The following TMEM269 variants were observed in gnomAD, a reference collection of about 807,000 sequenced individuals.
TMEM269 encodes transmembrane protein 269.
Under a neutral mutation model 15.8 loss-of-function variants are expected in TMEM269, and 12 were observed. The observed-to-expected ratio is 0.76, with a 90% CI of 0.49 to 1.23. TMEM269 has a LOEUF of 1.23. TMEM269 is among the 50% of genes most tolerant of loss of function. The pLI is 0.00. For synonymous variants in TMEM269, 93 were observed against 99.3 expected (o/e 0.94, Z 0.38); for missense variants, 211 against 245.4 (o/e 0.86, Z 0.94).
At position 42,788,980 on chromosome 1, in the gene TMEM269, G is replaced by A. The variant is rs1016420816; in HGVS notation, c.-98-816G>A. Among the ~76,000 whole-genome samples the A allele has an allele frequency of 6.6e-6, 1 of 150,862 alleles. No homozygotes were observed. Among genetic ancestry groups the A allele is most frequent in the African/African-American group, 2.4e-5 (1 of 40,942 alleles). ...TCGGTCACCCAGGCTGGAGTGCAGT[G>A]GTGTGATCTCGGCTCACTGCAACCT... On this transcript the variant is annotated intron_variant, in intron 1 of 5. Transcript: ENST00000637012. The surrounding 1 kb of genome is among the most constrained non-coding windows in gnomAD (Gnocchi z 4.0).
chr1:42,790,053 A>G (rs1653655582), intron 2 of TMEM269, 119 bp downstream of exon 2: 1 of 742,138 alleles, frequency 1.3e-6, no homozygotes, highest in Non-Finnish European at 2.3e-6. Context: ...TACCCAGGGT[A>G]AGTGCAGTGG....
intron 2 of TMEM269, among the ~76,000 whole-genome samples, chr1:42,792,220 A>G (rs1653699013): frequency 6.6e-6 from 1 of 152,228 alleles, no homozygotes; most frequent in Non-Finnish European, 1.5e-5. Context: ...TATTAAAAGG[A>G]TAATAAAGGA....
chr1:42,793,712 C>A lies in TMEM269; in HGVS notation c.251C>A (p.Ala84Asp). 1.9e-6 allele frequency: 3 copies of A among 1,550,586 alleles called. No individual in the cohort carries two copies. The highest frequency in any genetic ancestry group is 2.6e-6 in the Non-Finnish European group (3 of 1,146,944). Reference sequence around the variant, plus strand: ...ATCCTGGCCATCATCTATGTGTCAGCTGCTTCTTTCCACTTGTGCTTTTAT... The same window carrying A: ...ATCCTGGCCATCATCTATGTGTCAGATGCTTCTTTCCACTTGTGCTTTTAT... Reference protein sequence around the residue: ...SGILAIIYVSAASFHLCFYSP... With the variant: ...SGILAIIYVSDASFHLCFYSP... Residue 84 changes from alanine (A) to aspartate (D), a missense_variant, in exon 4 of 6, where the codon GCT becomes GAT. Ala to Asp is a moderately radical substitution (Grantham distance 126, BLOSUM62 -2). Coordinates refer to ENST00000637012, the MANE Select transcript of TMEM269 (RefSeq NM_001354602.2).
Position 42,799,550 on chromosome 1 carries a change from G to C in TMEM269, c.*1325G>C, listed in dbSNP as rs900775464. 6.6e-6 allele frequency: 1 copy of C among 152,172 alleles called. No individual in the cohort carries two copies. Among genetic ancestry groups the C allele is most frequent in the African/African-American group, 2.4e-5 (1 of 41,410 alleles). The allele number at this position is 152,172 out of a possible 1,614,324, so 9.4% of individuals were successfully genotyped here. On this transcript the variant is annotated 3_prime_UTR_variant, in exon 6 of 6. Coordinates refer to ENST00000637012, the MANE Select transcript of TMEM269 (RefSeq NM_001354602.2). ...CATATGTTCCTAGTTAGATGGATTTGCCTGTGTCCCAGGACTTTATATCTC... is the reference window on the plus strand; with the variant it reads ...CATATGTTCCTAGTTAGATGGATTTCCCTGTGTCCCAGGACTTTATATCTC...
chr1:42,785,814 T>C (rs757670945), intron 1 of TMEM269, among the ~76,000 whole-genome samples: 17 of 152,192 alleles, frequency 1.1e-4, no homozygotes, highest in Non-Finnish European at 2.1e-4. Flanking sequence ...CCCTGATAAA[T>C]GTCACCACAG....
chr1:42,789,596 A>T, intron 1 of TMEM269, 200 bp from the exon 2 acceptor site: 1 of 1,190,152 alleles, frequency 8.4e-7, no homozygotes, highest in Non-Finnish European at 1.2e-6. Flanking sequence ...GAGCTTTCCC[A>T]AGACGCTGGA....
intron 5 of TMEM269, among the ~76,000 whole-genome samples, chr1:42,795,717 G>A (rs1557593434): frequency 1.3e-5 from 2 of 152,112 alleles, no homozygotes; most frequent in South Asian, 4.1e-4. Context: ...CCTGATTTAG[G>A]GCTTCCTTCA....
rs1653587841 is a variant in TMEM269, at chr1:42,788,554, G to A, written c.-98-1242G>A. On this transcript the variant is annotated intron_variant, in intron 1 of 5. Transcript: ENST00000637012. This position sits in a 1 kb window ranked among gnomAD's most constrained non-coding sequence, Gnocchi z 4.0. ...AGGGCCAGCCAATTCCCTGTTGTGGGAGAGACTGGGAGAGACTGGGAGCAC... is the reference window on the plus strand; with the variant it reads ...AGGGCCAGCCAATTCCCTGTTGTGGAAGAGACTGGGAGAGACTGGGAGCAC... Among the ~76,000 whole-genome samples, 1 of 152,146 alleles carries A rather than the reference G, an allele frequency of 6.6e-6. No homozygotes were observed. Among genetic ancestry groups the A allele is most frequent in the Non-Finnish European group, 1.5e-5 (1 of 68,034 alleles).
chr1:42,786,741 C>T (rs1653548508), intron 1 of TMEM269, among the ~76,000 whole-genome samples: 1 of 152,232 alleles, frequency 6.6e-6, no homozygotes, highest in Admixed American at 6.5e-5. Flanking sequence ...TAAACTGTGT[C>T]CTTTGGTCTT....
rs1170709451 is a variant in TMEM269 at position 42,788,157 on chromosome 1, G to A, written c.-98-1639G>A. On this transcript the variant is annotated intron_variant, in intron 1 of 5. Transcript: ENST00000637012. The surrounding 1 kb of genome is among the most constrained non-coding windows in gnomAD (Gnocchi z 4.0). ...CTCCAAGTCAGCCCTCCCAGCTGCT[G>A]GCATGTTGGTGGCAGGTTTATGAGA... The A allele has an allele frequency of 2.0e-5, 3 of 152,504 alleles. No homozygotes were observed. The highest frequency in any genetic ancestry group is 7.2e-5 in the African/African-American group (3 of 41,462). The allele number at this position is 152,504 out of a possible 1,614,324, so 9.4% of individuals were successfully genotyped here. A position where few individuals can be genotyped will look rare whatever the true frequency, so the allele number is the denominator to read the frequency against.
At chr1:42,789,204 T>C in intron 1 of TMEM269, 1 of 548,508 alleles carries the variant, frequency 1.8e-6, no homozygotes, top group Non-Finnish European at 3.3e-6. Context: ...ATTACAGGCA[T>C]GAGCCACCGT....
At chr1:42,794,389 A>G in intron 4 of TMEM269, 24 bp from the exon 5 acceptor site, 1 of 1,533,128 alleles carries the variant, frequency 6.5e-7, no homozygotes, top group Non-Finnish European at 8.8e-7. Context: ...GGAAGCAGCT[A>G]ATCTCCAGCG....
At chr1:42,787,241 T>C (rs543050143) in intron 1 of TMEM269, among the ~76,000 whole-genome samples, 97 of 152,320 alleles carry the variant, frequency 6.4e-4, no homozygotes, top group Admixed American at 2.2e-3. Flanking sequence ...CCACTTCTGG[T>C]GTGACCTTGA....
At chr1:42,793,872 G>A (rs1653747039) in intron 4 of TMEM269, 128 bp downstream of exon 4, 10 of 1,157,554 alleles carry the variant, frequency 8.6e-6, no homozygotes, top group South Asian at 4.8e-5. Context: ...TCCTCCTTGC[G>A]TGCCCCATGC....
rs557283422 is a variant in TMEM269 at position 42,787,176 on chromosome 1, G to A, written c.-99+2094G>A. Among the ~76,000 whole-genome samples, 40 of 152,342 alleles carry A rather than the reference G, an allele frequency of 2.6e-4. 1 individual carries two copies. The highest frequency in any genetic ancestry group is 2.6e-3 in the Admixed American group (40 of 15,304). On this transcript the variant is annotated intron_variant, in intron 1 of 5. Coordinates refer to ENST00000637012, the MANE Select transcript of TMEM269 (RefSeq NM_001354602.2). Reference sequence around the variant, plus strand: ...CAATGTTCAGTCCTCTTGGTTGGTAGACAGCAGAGCACAGGGGAAAGAACA... The same window carrying A: ...CAATGTTCAGTCCTCTTGGTTGGTAAACAGCAGAGCACAGGGGAAAGAACA...
At chr1:42,785,347 G>T (rs896428321) in intron 1 of TMEM269, among the ~76,000 whole-genome samples, 13 of 152,178 alleles carry the variant, frequency 8.5e-5, no homozygotes, top group Non-Finnish European at 1.8e-4. Context: ...CCGTGCCTGT[G>T]CCACGCGTGT....
intron 2 of TMEM269, among the ~76,000 whole-genome samples, chr1:42,790,434 C>A (rs1240983195): frequency 6.6e-6 from 1 of 152,040 alleles, no homozygotes; most frequent in Non-Finnish European, 1.5e-5. Flanking sequence ...CAGTAAGTGA[C>A]TTCTCTTTGG....
At chr1:42,791,552 A>G (rs898368901) in intron 2 of TMEM269, among the ~76,000 whole-genome samples, 4 of 152,230 alleles carry the variant, frequency 2.6e-5, no homozygotes, top group African/African-American at 9.6e-5. Flanking sequence ...AACTTATAGG[A>G]TGCAGGGAAA....
rs1355927758 is a variant in TMEM269, at chr1:42,788,888, G to A, written c.-98-908G>A. Reference sequence around the variant, plus strand: ...ACAGACATGGGGATGGGAACATGGCGAAAAGATCTTTGTGAACTATTCAGT... The same window carrying A: ...ACAGACATGGGGATGGGAACATGGCAAAAAGATCTTTGTGAACTATTCAGT... On this transcript the variant is annotated intron_variant, in intron 1 of 5. Transcript: ENST00000637012. The surrounding 1 kb of genome is among the most constrained non-coding windows in gnomAD (Gnocchi z 4.0). 1.3e-5 allele frequency among the ~76,000 whole-genome samples: 2 copies of A among 151,478 alleles called. No individual in the cohort carries two copies. The highest frequency in any genetic ancestry group is 6.6e-5 in the Admixed American group (1 of 15,188).
Sources: allele counts gnomAD v4.1 joint callset (sites outside exome capture counted in the v4.1 genomes callset), GRCh38; gene constraint gnomAD v4.1.1; non-coding constraint Gnocchi (gnomAD v3.1); transcripts MANE v1.5; gene names NCBI Gene and HGNC (gene_info 2026-07-23, HGNC 2026-07-21).